Variants in SCOC observed in about 807,000 individuals in gnomAD.
The protein encoded by SCOC is short coiled coil protein.
In SCOC, 7 loss-of-function variants were observed where a neutral mutation model predicts 9.9. The observed-to-expected ratio is 0.71, with a 90% confidence interval of 0.40 to 1.33. The LOEUF is 1.33. Among genes scored for constraint, SCOC ranks in the 40% most tolerant of loss-of-function variants. SCOC has a pLI of 0.01. For missense variants in SCOC, 66 were observed against 89.7 expected (o/e 0.74, Z 1.07); for synonymous variants, 19 against 28.2 (o/e 0.67, Z 1.03).
intron 2 of SCOC, among the ~76,000 whole-genome samples, chr4:140,363,834 A>G (rs548581824): frequency 3.6e-4 from 55 of 152,130 alleles, no homozygotes; most frequent in Non-Finnish European, 6.9e-4. Flanking sequence ...GTGTTTTTTC[A>G]TTGTGTTTAG....
chr4:140,348,513 TGTGTGTGTGTGA>T (rs1400360020), intron 2 of SCOC, among the ~76,000 whole-genome samples: 1 of 151,244 alleles, frequency 6.6e-6, no homozygotes, highest in Non-Finnish European at 1.5e-5. Context: ...ACTATATGTA[TGTGTGTGTGTGA>T]GTGTGTGTAT....
At chr4:140,310,799 G>T (rs1732133982) in intron 1 of SCOC, among the ~76,000 whole-genome samples, 1 of 152,104 alleles carries the variant, frequency 6.6e-6, no homozygotes, top group Admixed American at 6.5e-5. Flanking sequence ...GGTGTGTTTT[G>T]CCCACCTCCT....
chr4:140,330,990 G>C (rs761009291), intron 1 of SCOC, among the ~76,000 whole-genome samples: 1 of 152,158 alleles, frequency 6.6e-6, no homozygotes. Flanking sequence ...TTTAGGGCAT[G>C]GTTTGGTGAG....
intron 1 of SCOC, among the ~76,000 whole-genome samples, chr4:140,274,506 A>G (rs1057099462): frequency 1.3e-5 from 2 of 152,196 alleles, no homozygotes; most frequent in African/African-American, 4.8e-5. Context: ...TATGTAGAAG[A>G]GGTGCCAGTT....
chr4:140,309,769 G>T (rs994544483), intron 1 of SCOC, among the ~76,000 whole-genome samples: 1 of 152,126 alleles, frequency 6.6e-6, no homozygotes, highest in Middle Eastern at 3.2e-3. Context: ...ACTCTGAAGT[G>T]CCTATTCAAA....
chr4:140,340,105 G>A (rs183039944), upstream of SCOC, among the ~76,000 whole-genome samples: 168 of 152,284 alleles, frequency 1.1e-3, no homozygotes, highest in African/African-American at 4.0e-3. Context: ...TATACACCAT[G>A]GAATACTATG....
intron 1 of SCOC, among the ~76,000 whole-genome samples, chr4:140,276,414 C>T (rs577097121): frequency 6.6e-6 from 1 of 152,254 alleles, no homozygotes; most frequent in Admixed American, 6.5e-5. Context: ...GCTGGGATTA[C>T]AGGTGTGAGC....
chr4:140,293,479 G>T (rs1214784603), intron 1 of SCOC: 10 of 438,880 alleles, frequency 2.3e-5, no homozygotes, highest in Non-Finnish European at 4.6e-5. Context: ...TGGAAATGCC[G>T]GTCTGACACC....
At chr4:140,322,886 G>A (rs1444925338) in intron 1 of SCOC, among the ~76,000 whole-genome samples, 3 of 152,104 alleles carry the variant, frequency 2.0e-5, no homozygotes, top group Non-Finnish European at 2.9e-5. Flanking sequence ...GAATGGCCCC[G>A]AAGGCATTTT....
intron 1 of SCOC, chr4:140,373,923 G>A (rs1296716257): frequency 5.7e-6 from 4 of 706,432 alleles, no homozygotes; most frequent in South Asian, 4.5e-5. Context: ...TTTTTCTCCT[G>A]TTTTCGTTGT....
chr4:140,364,258 G>A (rs1010573177), intron 2 of SCOC, among the ~76,000 whole-genome samples: 3 of 152,090 alleles, frequency 2.0e-5, no homozygotes, highest in Non-Finnish European at 4.4e-5. Flanking sequence ...AAAGGAAGGC[G>A]AAGGATGTAA....
chr4:140,271,201 C>T (rs774310887), intron 1 of SCOC, among the ~76,000 whole-genome samples: 7 of 152,100 alleles, frequency 4.6e-5, no homozygotes, highest in Non-Finnish European at 1.0e-4. Flanking sequence ...CACTCAGAGA[C>T]GATGGATGAT....
At chr4:140,319,753 A>G (rs1732443138) in intron 1 of SCOC, among the ~76,000 whole-genome samples, 1 of 152,114 alleles carries the variant, frequency 6.6e-6, no homozygotes, top group Non-Finnish European at 1.5e-5. Flanking sequence ...CATTCTAACA[A>G]TGAGAAAAAA....
intron 1 of SCOC, among the ~76,000 whole-genome samples, chr4:140,326,109 C>T (rs1458219822): frequency 6.6e-6 from 1 of 152,038 alleles, no homozygotes; most frequent in Non-Finnish European, 1.5e-5. Context: ...ATTTTTATGA[C>T]ATCGTGTAAA....
At chr4:140,273,663 T>G (rs1304687204) in intron 1 of SCOC, among the ~76,000 whole-genome samples, 1 of 152,038 alleles carries the variant, frequency 6.6e-6, no homozygotes, top group Non-Finnish European at 1.5e-5. Context: ...AAAAATCCCC[T>G]AATTTCACTG....
At chr4:140,266,266 G>A (rs1416833922) in intron 1 of SCOC, among the ~76,000 whole-genome samples, 3 of 152,148 alleles carry the variant, frequency 2.0e-5, no homozygotes, top group Non-Finnish European at 4.4e-5. Flanking sequence ...AGCTTTCTTG[G>A]GGGTGTGAGT....
chr4:140,274,140 T>C (rs74919457), intron 1 of SCOC, among the ~76,000 whole-genome samples: 4,591 of 152,352 alleles, frequency 0.03, 235 homozygotes, highest in African/African-American at 0.1. Flanking sequence ...TGTATCACCC[T>C]GTCTTTGTAA....
At chr4:140,288,834 T>A (rs955598451) in intron 1 of SCOC, among the ~76,000 whole-genome samples, 2 of 151,830 alleles carry the variant, frequency 1.3e-5, no homozygotes, top group African/African-American at 2.4e-5. Flanking sequence ...TACCCACATA[T>A]ATCACAAATG....
intron 1 of SCOC, among the ~76,000 whole-genome samples, chr4:140,375,953 T>C (rs1228839935): frequency 1.3e-5 from 2 of 152,214 alleles, no homozygotes; most frequent in African/African-American, 4.8e-5. Context: ...AGACTTGGTC[T>C]TAATTTTCTC....
Sources: allele counts gnomAD v4.1 joint callset (sites outside exome capture counted in the v4.1 genomes callset), GRCh38; gene constraint gnomAD v4.1.1; transcripts MANE v1.5; gene names NCBI Gene and HGNC (gene_info 2026-07-23, HGNC 2026-07-21).